RIPOR2: variants seen among roughly 807,000 people sequenced by gnomAD.
RIPOR2 encodes the protein rho family-interacting cell polarization regulator 2.
In RIPOR2, 39 loss-of-function variants were observed where a neutral mutation model predicts 114.5. The observed-to-expected ratio is 0.34, with a 90% CI of 0.26 to 0.44. RIPOR2 has a LOEUF of 0.44. RIPOR2 is among the 20% of genes least tolerant of loss of function. The probability of loss-of-function intolerance (pLI) is 1.00; values close to 1 mark genes in which losing one functional copy is unlikely to be tolerated. For missense variants in RIPOR2, 1,007 were observed against 1,255.1 expected (o/e 0.80, Z 2.99); for synonymous variants, 445 against 484.4 (o/e 0.92, Z 1.07).
At chr6:24,908,444 C>T (rs189247177) in intron 1 of RIPOR2, among the ~76,000 whole-genome samples, 307 of 152,278 alleles carry the variant, frequency 2.0e-3, no homozygotes, top group Middle Eastern at 6.8e-3. Context: ...TGCACAGTTG[C>T]CTTTGTCTAT....
intron 1 of RIPOR2, among the ~76,000 whole-genome samples, chr6:25,001,701 C>CTT (rs775620654): frequency 2.0e-5 from 2 of 102,516 alleles, no homozygotes; most frequent in African/African-American, 3.5e-5. Flanking sequence ...TCCTTTCTTT[C>CTT]TTTTTTTTTT....
chr6:24,818,702 C>G, intron 19 of RIPOR2, 77 bp from the exon 20 acceptor site: 2 of 777,558 alleles, frequency 2.6e-6, no homozygotes, highest in South Asian at 4.2e-5. Flanking sequence ...TTCTTACTCT[C>G]TGAGATAAAC....
intron 1 of RIPOR2, among the ~76,000 whole-genome samples, chr6:25,024,813 A>C (rs867266523): frequency 6.6e-6 from 1 of 152,044 alleles, no homozygotes. Context: ...TCATTTCTAG[A>C]TTTTGCCAAT....
chr6:25,032,475 G>T (rs1383541870), intron 1 of RIPOR2, among the ~76,000 whole-genome samples: 1 of 152,132 alleles, frequency 6.6e-6, no homozygotes, highest in Non-Finnish European at 1.5e-5. Flanking sequence ...CCCTTGATGG[G>T]ATTGGAAATG....
At position 24,883,905 on chromosome 6, in the gene RIPOR2, G is replaced by A. The variant is rs1218231891; in HGVS notation, c.62-8088C>T. On this transcript the variant is annotated intron_variant, in intron 1 of 21. Transcript: ENST00000643898. The surrounding 1 kb of genome is among the most constrained non-coding windows in gnomAD (Gnocchi z 4.1). ...ATGCTCCCCCACATCGTGGTCAAAA[G>A]CAGATGTATAATTGACTTGTCTGAA... Among the ~76,000 whole-genome samples the A allele has an allele frequency of 6.6e-6, 1 of 152,120 alleles. No individual in the cohort carries two copies. The highest frequency in any genetic ancestry group is 1.5e-5 in the Non-Finnish European group (1 of 68,024).
chr6:24,950,326 A>G (rs996777070), intron 1 of RIPOR2, among the ~76,000 whole-genome samples: 5 of 152,214 alleles, frequency 3.3e-5, no homozygotes, highest in Non-Finnish European at 5.9e-5. Flanking sequence ...TCTTAAATGC[A>G]AGATTCTTTC....
rs576151972 is a variant in RIPOR2 at position 24,842,180 on chromosome 6, A to G, written c.1857+682T>C. 5.3e-5 allele frequency among the ~76,000 whole-genome samples: 8 copies of G among 152,284 alleles called. No homozygotes were observed. In the East Asian group the frequency reaches 9.6e-4, roughly 18 times the overall value. On this transcript the variant is annotated intron_variant, in intron 13 of 21. Coordinates refer to ENST00000643898, the MANE Select transcript of RIPOR2 (RefSeq NM_001286445.3). ...TTTTTTAAAAAATTAATCTGTATGCAGGTGGAGACAGATACATTCTGATGC... is the reference window on the plus strand; with the variant it reads ...TTTTTTAAAAAATTAATCTGTATGCGGGTGGAGACAGATACATTCTGATGC...
At chr6:24,901,211 G>A (rs1768407528) in intron 1 of RIPOR2, among the ~76,000 whole-genome samples, 1 of 152,148 alleles carries the variant, frequency 6.6e-6, no homozygotes, top group South Asian at 2.1e-4. Context: ...GAAAAACTAT[G>A]CATCCTTTCA....
In RIPOR2 at chr6:24,848,130, G is replaced by A. The variant is rs980646869; in HGVS notation, c.1059C>T (p.Thr353=). 7.4e-6 allele frequency: 12 copies of A among 1,613,398 alleles called. No homozygotes were observed. Among genetic ancestry groups the A allele is most frequent in the African/African-American group, 4.0e-5 (3 of 74,884 alleles). ...CCTTGTTCCCAGCGCCTGAGGATGCGGTCATGTCCTCCACGTCAAATGGAC... is the reference window on the plus strand; with the variant it reads ...CCTTGTTCCCAGCGCCTGAGGATGCAGTCATGTCCTCCACGTCAAATGGAC... The part of the protein sequence containing the change: ...TWYPFDVEDM[T]ASSGAGNKAA... Residue 353 remains threonine, a synonymous_variant, in exon 12 of 22, where the codon ACC becomes ACT. Transcript: ENST00000643898.
intron 1 of RIPOR2, among the ~76,000 whole-genome samples, chr6:24,941,921 T>A (rs1023398201): frequency 2.0e-5 from 3 of 152,084 alleles, no homozygotes; most frequent in South Asian, 2.1e-4. Context: ...AAATAAACTT[T>A]AAGAAGACAG....
intron 1 of RIPOR2, among the ~76,000 whole-genome samples, chr6:24,922,324 C>A (rs986198522): frequency 1.3e-5 from 2 of 152,160 alleles, no homozygotes; most frequent in African/African-American, 4.8e-5. Flanking sequence ...TAGCAAGAAT[C>A]CCATACGTAA....
At chr6:24,824,410 C>T (rs907081062) in intron 19 of RIPOR2, among the ~76,000 whole-genome samples, 7 of 152,302 alleles carry the variant, frequency 4.6e-5, no homozygotes, top group East Asian at 3.9e-4. Flanking sequence ...GTTAAACAAA[C>T]GGAGTTCAAC....
At position 24,976,394 on chromosome 6, in the gene RIPOR2, C is replaced by T. The variant is rs538661118; in HGVS notation, c.76+65457G>A. On this transcript the variant is annotated intron_variant, in intron 1 of 13. Coordinates refer to the RIPOR2 transcript ENST00000510784. ...GAAAAGGCTTTGCAGACGCCGCCGC[C>T]GAGGAAAACCGTGTGCTATTAGCCA... The T allele has an allele frequency of 7.0e-6, 10 of 1,435,730 alleles. No homozygotes were observed. The Admixed American group carries it at 1.6e-4, about 24-fold the overall frequency. 88.9% of individuals were successfully genotyped at this position (1,435,730 alleles called of 1,614,324 possible).
intron 1 of RIPOR2, among the ~76,000 whole-genome samples, chr6:24,971,182 G>A (rs150106860): frequency 2.3e-4 from 35 of 152,312 alleles, no homozygotes; most frequent in Middle Eastern, 3.4e-3. Context: ...AGCAGTTGTG[G>A]CTGACTCCTT....
intron 1 of RIPOR2, among the ~76,000 whole-genome samples, chr6:25,020,742 T>TA (rs1246339279): frequency 6.6e-6 from 1 of 152,214 alleles, no homozygotes. Flanking sequence ...CCCAATGAGA[T>TA]AAAAGAAAAT....
upstream of RIPOR2, among the ~76,000 whole-genome samples, chr6:24,937,325 A>T (rs556223334): frequency 6.6e-6 from 1 of 152,262 alleles, no homozygotes; most frequent in Non-Finnish European, 1.5e-5. Context: ...TCAGGGGCCC[A>T]GGGATATCAA....
intron 1 of RIPOR2, among the ~76,000 whole-genome samples, chr6:24,929,601 G>C (rs1709190418): frequency 6.6e-6 from 1 of 152,146 alleles, no homozygotes; most frequent in Admixed American, 6.5e-5. Flanking sequence ...ACTTGAAAGA[G>C]TCACTTTAAT....
intron 1 of RIPOR2, among the ~76,000 whole-genome samples, chr6:25,022,531 CATTTTTTTTTTTTTTT>C (rs1776375166): frequency 6.2e-5 from 4 of 64,512 alleles, no homozygotes; most frequent in Admixed American, 1.8e-4. Context: ...TGGTACCTTC[CATTTTTTTTTTTTTTT>C]TTTTTTTTTT....
intron 1 of RIPOR2, among the ~76,000 whole-genome samples, chr6:25,041,438 C>T (rs970338446): frequency 3.3e-5 from 5 of 152,264 alleles, no homozygotes; most frequent in African/African-American, 1.2e-4. Flanking sequence ...AATTTCACCT[C>T]ATCTAGCGAC....
Sources: gnomAD v4.1 joint callset for allele counts (sites outside exome capture counted in the v4.1 genomes callset) on GRCh38, gnomAD v4.1.1 for gene constraint, Gnocchi (gnomAD v3.1) non-coding constraint, MANE v1.5 for transcripts, NCBI Gene and HGNC (gene_info 2026-07-23, HGNC 2026-07-21) for gene names.